Variants in SEMA6A observed in about 807,000 individuals in gnomAD.
The protein encoded by SEMA6A is semaphorin 6A, also known as semaphorin-6A.
A neutral mutation model predicts 96.8 loss-of-function variants in SEMA6A; 25 were observed. The observed-to-expected ratio is 0.26, with a 90% CI of 0.19 to 0.36. The LOEUF is 0.36. SEMA6A is among the 10% of genes least tolerant of loss of function. SEMA6A has a pLI of 1.00. For missense variants in SEMA6A, 1,363 were observed against 1,323.1 expected, an observed-to-expected ratio of 1.03 and a Z score of -0.47; for synonymous variants, 612 against 518.0, an observed-to-expected ratio of 1.18 and a Z score of -2.46.
At chr5:116,496,115 T>G (rs980011459) in intron 5 of SEMA6A, 136 bp downstream of exon 5, 3 of 722,012 alleles carry the variant, frequency 4.2e-6, no homozygotes, top group South Asian at 1.8e-5. Context: ...AAGCCTTCAG[T>G]AAGTTGATGA....
intron 1 of SEMA6A, among the ~76,000 whole-genome samples, chr5:116,505,457 G>GCACACACACA (rs386418405): frequency 1.4e-5 from 2 of 143,726 alleles, no homozygotes; most frequent in Non-Finnish European, 3.0e-5. Flanking sequence ...ACACACGCAC[G>GCACACACACA]CGCACACACA....
At chr5:116,451,536 G>T (rs925570687) in intron 18 of SEMA6A, among the ~76,000 whole-genome samples, 22 of 152,206 alleles carry the variant, frequency 1.4e-4, no homozygotes, top group African/African-American at 5.3e-4. Flanking sequence ...GGCAATTATA[G>T]TTGGATTCTC....
intron 18 of SEMA6A, among the ~76,000 whole-genome samples, chr5:116,454,284 C>T (rs903091729): frequency 6.6e-6 from 1 of 152,074 alleles, no homozygotes; most frequent in African/African-American, 2.4e-5. Context: ...GGCAAAACAC[C>T]AAGAAAAGCC....
intron 1 of SEMA6A, among the ~76,000 whole-genome samples, chr5:116,562,112 G>A (rs1760838616): frequency 6.6e-6 from 1 of 152,106 alleles, no homozygotes; most frequent in Admixed American, 6.5e-5. Context: ...TAAAAATAAA[G>A]CCATACTGCT....
intron 1 of SEMA6A, among the ~76,000 whole-genome samples, chr5:116,570,860 C>G (rs1048062453): frequency 6.6e-6 from 1 of 152,182 alleles, no homozygotes; most frequent in African/African-American, 2.4e-5. Context: ...AATACAAGTT[C>G]TTAATTTGGA....
intron 6 of SEMA6A, 31 bp downstream of exon 6, chr5:116,495,382 A>G (rs1344021312): frequency 6.7e-7 from 1 of 1,500,390 alleles, no homozygotes; most frequent in Non-Finnish European, 9.2e-7. Context: ...GCCTCCTGGC[A>G]GTGTGGTTCC....
chr5:116,559,606 G>T (rs1300190289), intron 1 of SEMA6A, among the ~76,000 whole-genome samples: 5 of 152,194 alleles, frequency 3.3e-5, no homozygotes, highest in African/African-American at 4.8e-5. Flanking sequence ...CAAGAGCCTT[G>T]CAACTAGGTG....
intron 18 of SEMA6A, among the ~76,000 whole-genome samples, chr5:116,448,932 G>C (rs1186445409): frequency 6.6e-6 from 1 of 152,168 alleles, no homozygotes; most frequent in African/African-American, 2.4e-5. Context: ...TGCTGTCACA[G>C]TGGGATTTTT....
Position 116,447,433 on chromosome 5 carries a change from G to T in SEMA6A, c.2273C>A (p.Pro758Gln), listed in dbSNP as rs746941869. The change falls in exon 19 of 19, where the codon CCA becomes CAA. Residue 758 changes from proline to glutamine, a missense_variant. Pro to Gln is a moderately conservative substitution (Grantham distance 76, BLOSUM62 -1). Transcript: ENST00000343348. ...CTGCTGCAGCGTTGGGGTTGACTCTGGGGTGGGGAGGGCCGTCAGGTCCAG... is the reference window on the plus strand; with the variant it reads ...CTGCTGCAGCGTTGGGGTTGACTCTTGGGTGGGGAGGGCCGTCAGGTCCAG... The part of the protein sequence containing the change: ...HHLDLTALPT[P>Q]ESTPTLQQKR... 6.2e-7 allele frequency: 1 copy of T among 1,614,072 alleles called. No homozygotes were observed. Among genetic ancestry groups the T allele is most frequent in the Non-Finnish European group, 8.5e-7 (1 of 1,179,900 alleles).
intron 1 of SEMA6A, among the ~76,000 whole-genome samples, chr5:116,529,308 A>T (rs1442770342): frequency 6.6e-6 from 1 of 152,310 alleles, no homozygotes; most frequent in East Asian, 1.9e-4. Flanking sequence ...GATAGGAGGA[A>T]TTAATCCTAG....
chr5:116,446,614 T>A lies in SEMA6A; in HGVS notation c.3092A>T (p.Ter1031LeuextTer62). 6.7e-7 allele frequency: 1 copy of A among 1,482,050 alleles called. No individual in the cohort carries two copies. Among genetic ancestry groups the A allele is most frequent in the Non-Finnish European group, 9.0e-7 (1 of 1,114,372 alleles). 91.8% of individuals were successfully genotyped at this position (1,482,050 alleles called of 1,614,324 possible). ...TSMKPNDACT[*>L] ...ACACCTGACCCCCTCCCCCTGGGATTATGTACACGCATCATTGGGCTTCAT... is the reference window on the plus strand; with the variant it reads ...ACACCTGACCCCCTCCCCCTGGGATAATGTACACGCATCATTGGGCTTCAT... The change falls in exon 19 of 19, where the codon TAA becomes TTA. Residue 1031 changes from the stop codon to leucine (L), a stop_lost. Coordinates refer to ENST00000343348, the MANE Select transcript of SEMA6A (RefSeq NM_020796.5).
At position 116,464,613 on chromosome 5, in the gene SEMA6A, G is replaced by T. The variant is rs369578829; in HGVS notation, c.1894+2970C>A. 3.3e-5 allele frequency among the ~76,000 whole-genome samples: 5 copies of T among 152,314 alleles called. No homozygotes were observed. The East Asian group carries it at 9.6e-4, about 29-fold the overall frequency. On this transcript the variant is annotated intron_variant, in intron 18 of 18. Transcript: ENST00000343348. ...GGAACATTCCACAGAGGGGCAGAGG[G>T]TTTGGGTCTGTTATTTTGAAAGGGG...
At chr5:116,480,092 C>A in intron 12 of SEMA6A, 30 bp downstream of exon 12, 1 of 1,608,680 alleles carries the variant, frequency 6.2e-7, no homozygotes, top group African/African-American at 1.3e-5. Flanking sequence ...GTTAGGAAAT[C>A]CATCAGGACA....
chr5:116,480,344 G>A, intron 11 of SEMA6A, 67 bp from the exon 12 acceptor site: 8 of 1,575,482 alleles, frequency 5.1e-6, no homozygotes, highest in Non-Finnish European at 6.9e-6. Flanking sequence ...TTCTTTGAAT[G>A]AACTGCTTCT....
chr5:116,559,162 C>A (rs1010601398), intron 1 of SEMA6A, among the ~76,000 whole-genome samples: 16 of 152,188 alleles, frequency 1.1e-4, no homozygotes, highest in African/African-American at 3.1e-4. Context: ...GTGGTCCCAA[C>A]TGCAAGACCA....
At chr5:116,525,180 A>C (rs907406755) in intron 1 of SEMA6A, among the ~76,000 whole-genome samples, 6 of 152,288 alleles carry the variant, frequency 3.9e-5, no homozygotes, top group African/African-American at 1.4e-4. Flanking sequence ...CCCGACACTG[A>C]GTATTCCCCA....
At chr5:116,550,646 T>G (rs1760365362) in intron 1 of SEMA6A, 1 of 152,232 alleles carries the variant, frequency 6.6e-6, no homozygotes, top group African/African-American at 2.4e-5. Context: ...ACACAGGTTC[T>G]CTGCAGTAAT....
chr5:116,513,309 T>C (rs867563567), intron 1 of SEMA6A, among the ~76,000 whole-genome samples: 1 of 152,022 alleles, frequency 6.6e-6, no homozygotes, highest in Admixed American at 6.6e-5. Context: ...GTATTTTTAG[T>C]AGAGACGGGG....
At chr5:116,552,990 A>T (rs944432921) in intron 1 of SEMA6A, among the ~76,000 whole-genome samples, 1 of 152,202 alleles carries the variant, frequency 6.6e-6, no homozygotes, top group Non-Finnish European at 1.5e-5. Context: ...TGCTCTAGGG[A>T]GCATTCGCTC....
Sources: allele counts gnomAD v4.1 joint callset (sites outside exome capture counted in the v4.1 genomes callset), GRCh38; gene constraint gnomAD v4.1.1; transcripts MANE v1.5; gene names NCBI Gene and HGNC (gene_info 2026-07-23, HGNC 2026-07-21).